CADPS2: variants seen among roughly 807,000 people sequenced by gnomAD.
CADPS2 encodes calcium-dependent secretion activator 2.
A neutral mutation model predicts 172.5 loss-of-function variants in CADPS2; 93 were observed. The ratio of observed to expected loss-of-function variants is 0.54; its 90% CI spans 0.46 to 0.64. The LOEUF (loss-of-function observed/expected upper bound fraction) is 0.64, where lower values mean the gene tolerates loss of function less well. Among genes scored for constraint, CADPS2 ranks in the 30% least tolerant of loss-of-function variants. The probability of loss-of-function intolerance (pLI) is 0.00; values close to 1 mark genes in which losing one functional copy is unlikely to be tolerated. For missense variants in CADPS2, 1,420 were observed against 1,565.9 expected (o/e 0.91, Z 1.57); for synonymous variants, 546 against 555.2 (o/e 0.98, Z 0.23).
At chr7:122,338,562 G>T (rs2036263749) in intron 28 of CADPS2, among the ~76,000 whole-genome samples, 1 of 152,102 alleles carries the variant, frequency 6.6e-6, no homozygotes, top group Non-Finnish European at 1.5e-5. Flanking sequence ...GGAAAATCAT[G>T]GTTGGACATA....
chr7:122,865,181 T>C (rs185225038), intron 1 of CADPS2, among the ~76,000 whole-genome samples: 65 of 152,330 alleles, frequency 4.3e-4, no homozygotes, highest in Admixed American at 2.1e-3. Flanking sequence ...TCTCACCATG[T>C]AATCTCTGCA....
At chr7:122,586,969 A>T (rs1423528572) in intron 6 of CADPS2, among the ~76,000 whole-genome samples, 1 of 152,036 alleles carries the variant, frequency 6.6e-6, no homozygotes, top group Non-Finnish European at 1.5e-5. Flanking sequence ...ATTATCAAAT[A>T]AAAATGACAT....
At chr7:122,536,198 T>C (rs1371067919) in intron 8 of CADPS2, among the ~76,000 whole-genome samples, 3 of 152,246 alleles carry the variant, frequency 2.0e-5, no homozygotes, top group East Asian at 3.9e-4. Flanking sequence ...TTATAAATTA[T>C]AGTTACTGAA....
chr7:122,534,924 G>A (rs2062101127), intron 8 of CADPS2, among the ~76,000 whole-genome samples: 2 of 152,066 alleles, frequency 1.3e-5, no homozygotes, highest in South Asian at 4.1e-4. Flanking sequence ...GGGGAGGGAT[G>A]TTTCTATAAA....
At chr7:122,527,944 C>G (rs1301222667) in intron 8 of CADPS2, among the ~76,000 whole-genome samples, 1 of 152,080 alleles carries the variant, frequency 6.6e-6, no homozygotes, top group Non-Finnish European at 1.5e-5. Flanking sequence ...AAATGATTCT[C>G]TAAATGGCTA....
chr7:122,454,711 A>G (rs911643061), intron 14 of CADPS2, among the ~76,000 whole-genome samples: 18 of 152,202 alleles, frequency 1.2e-4, no homozygotes, highest in Admixed American at 2.0e-4. Flanking sequence ...AGAGAAATTT[A>G]AACCAGTTAT....
intron 3 of CADPS2, among the ~76,000 whole-genome samples, chr7:122,655,338 G>C (rs1264998552): frequency 6.6e-6 from 1 of 152,090 alleles, no homozygotes; most frequent in Non-Finnish European, 1.5e-5. Flanking sequence ...GAAAAGAAGA[G>C]TGAATCGCTA....
intron 1 of CADPS2, among the ~76,000 whole-genome samples, chr7:122,880,808 T>C (rs1298336134): frequency 2.0e-5 from 3 of 152,206 alleles, no homozygotes; most frequent in Non-Finnish European, 2.9e-5. Flanking sequence ...CATAAAATGA[T>C]ATATTACAGA....
intron 1 of CADPS2, among the ~76,000 whole-genome samples, chr7:122,836,374 A>T (rs1808418857): frequency 6.6e-6 from 1 of 152,188 alleles, no homozygotes; most frequent in African/African-American, 2.4e-5. Context: ...GCATCAACTA[A>T]CAAGCAAAAT....
In CADPS2 at chr7:122,533,298, C is replaced by A. The variant is rs529350254; in HGVS notation, c.1476-19983G>T. 2.2e-4 allele frequency among the ~76,000 whole-genome samples: 33 copies of A among 152,160 alleles called. No individual in the cohort carries two copies. In the South Asian group the frequency reaches 6.6e-3, roughly 31 times the overall value. Reference sequence around the variant, plus strand: ...AGCCTGGAGCTTAAAGGCTTGATAACGACAAATCTCTTTAACAATTAATAA... The same window carrying A: ...AGCCTGGAGCTTAAAGGCTTGATAAAGACAAATCTCTTTAACAATTAATAA... On this transcript the variant is annotated intron_variant, in intron 8 of 29. Coordinates refer to ENST00000449022, the MANE Select transcript of CADPS2 (RefSeq NM_017954.11).
chr7:122,634,874 G>C (rs2076913772), intron 3 of CADPS2, among the ~76,000 whole-genome samples: 2 of 152,028 alleles, frequency 1.3e-5, no homozygotes, highest in African/African-American at 4.8e-5. Flanking sequence ...TAATTTTAAG[G>C]AAGTTTTTGA....
rs561532558 is a variant in CADPS2, at chr7:122,749,772, A to T, written c.340-12704T>A. ...TTAACAAATTTACATTAGCAAATTC[A>T]AGGATTTGTGAGGATTAAACAGATA... On this transcript the variant is annotated intron_variant, in intron 1 of 29. Coordinates refer to ENST00000449022, the MANE Select transcript of CADPS2 (RefSeq NM_017954.11). Among the ~76,000 whole-genome samples the T allele has an allele frequency of 6.6e-5, 10 of 152,228 alleles. No homozygotes were observed. In the South Asian group the frequency reaches 2.1e-3, roughly 32 times the overall value.
intron 27 of CADPS2, among the ~76,000 whole-genome samples, chr7:122,350,026 A>G (rs2038299950): frequency 6.6e-6 from 1 of 152,224 alleles, no homozygotes; most frequent in Non-Finnish European, 1.5e-5. Context: ...AAGCTTAACT[A>G]GAAGCTACAG....
At chr7:122,704,007 T>C (rs2086585982) in intron 2 of CADPS2, among the ~76,000 whole-genome samples, 1 of 152,080 alleles carries the variant, frequency 6.6e-6, no homozygotes, top group African/African-American at 2.4e-5. Flanking sequence ...AGCCAATAAA[T>C]TGGCAACACC....
chr7:122,453,358 C>A (rs1200543785), intron 14 of CADPS2, among the ~76,000 whole-genome samples: 1 of 152,142 alleles, frequency 6.6e-6, no homozygotes, highest in African/African-American at 2.4e-5. Flanking sequence ...ACTTTAGAAT[C>A]AATTCCCATT....
intron 2 of CADPS2, among the ~76,000 whole-genome samples, chr7:122,667,883 A>G (rs753542871): frequency 6.6e-6 from 1 of 152,108 alleles, no homozygotes; most frequent in Admixed American, 6.6e-5. Flanking sequence ...GGGAAATACA[A>G]GGACTTTCAT....
At chr7:122,530,665 A>T (rs1364916771) in intron 8 of CADPS2, among the ~76,000 whole-genome samples, 1 of 152,206 alleles carries the variant, frequency 6.6e-6, no homozygotes, top group Non-Finnish European at 1.5e-5. Context: ...ACTACAAAAG[A>T]CTGTGCTAAA....
rs2044009755 is a variant in CADPS2, at chr7:122,388,808, TTTC to T, written c.3009-73_3009-71del. ...TAGGTATACCATTAATACATTGTTT[TTTC>T]TTTTCTGCATCAATTGCCATCAGTG... On this transcript the variant is annotated intron_variant, in intron 22 of 29. Coordinates refer to ENST00000449022, the MANE Select transcript of CADPS2 (RefSeq NM_017954.11). 11 of 1,344,580 alleles carry T rather than the reference TTTC, an allele frequency of 8.2e-6. No homozygotes were observed. The South Asian group carries it at 2.2e-4, about 27-fold the overall frequency. 83.3% of individuals were successfully genotyped at this position (1,344,580 alleles called of 1,614,324 possible). A position where few individuals can be genotyped will look rare whatever the true frequency, so the allele number is the denominator to read the frequency against.
intron 17 of CADPS2, among the ~76,000 whole-genome samples, chr7:122,418,290 C>T (rs1319205091): frequency 6.6e-6 from 1 of 152,062 alleles, no homozygotes; most frequent in African/African-American, 2.4e-5. Flanking sequence ...ATTCATGTAA[C>T]TCACAGATAA....
Sources: allele counts gnomAD v4.1 joint callset (sites outside exome capture counted in the v4.1 genomes callset), GRCh38; gene constraint gnomAD v4.1.1; transcripts MANE v1.5; gene names NCBI Gene and HGNC (gene_info 2026-07-23, HGNC 2026-07-21).